The following RPA1 variants were observed in gnomAD, a reference collection of about 807,000 sequenced individuals.
RPA1 encodes replication protein A1, also known as replication protein A 70 kDa DNA-binding subunit.
In RPA1, 49 loss-of-function variants were observed where a neutral mutation model predicts 83.0. The ratio of observed to expected loss-of-function variants is 0.59; its 90% CI spans 0.47 to 0.75. The LOEUF is 0.75. Among genes scored for constraint, RPA1 ranks in the 30% least tolerant of loss-of-function variants. RPA1 has a pLI of 0.00. For synonymous variants in RPA1, 279 were observed against 281.8 expected, an observed-to-expected ratio of 0.99 and a Z score of 0.10; for missense variants, 693 against 776.1, an observed-to-expected ratio of 0.89 and a Z score of 1.27.
intron 5 of RPA1, among the ~76,000 whole-genome samples, chr17:1,862,179 ACCGCCC>A (rs1912999821): frequency 3.6e-5 from 5 of 139,210 alleles, no homozygotes; most frequent in Non-Finnish European, 4.6e-5. Flanking sequence ...GGCGTGAGCC[ACCGCCC>A]CCAACCGTAT....
At chr17:1,868,263 G>C (rs1019009844) in intron 5 of RPA1, among the ~76,000 whole-genome samples, 2 of 152,206 alleles carry the variant, frequency 1.3e-5, no homozygotes. Context: ...AGCCAGTGCG[G>C]AAATAGCTTT....
At position 1,830,931 on chromosome 17, in the gene RPA1, A is replaced by G. The variant is rs190826998; in HGVS notation, c.33+805A>G. Reference sequence around the variant, plus strand: ...CATGTGTGCGCCACCACACTCGGCTACTTTTTGTGTTTTTATTAGAGACTG... The same window carrying G: ...CATGTGTGCGCCACCACACTCGGCTGCTTTTTGTGTTTTTATTAGAGACTG... On this transcript the variant is annotated intron_variant, in intron 1 of 16. Coordinates refer to ENST00000254719, the MANE Select transcript of RPA1 (RefSeq NM_002945.5). 1.2e-3 allele frequency among the ~76,000 whole-genome samples: 178 copies of G among 151,856 alleles called. 1 individual carries two copies. Among genetic ancestry groups the G allele is most frequent in the African/African-American group, 3.9e-3 (162 of 41,412 alleles).
At chr17:1,842,758 T>C (rs751160567) in intron 1 of RPA1, 45 bp from the exon 2 acceptor site, 4 of 1,535,822 alleles carry the variant, frequency 2.6e-6, no homozygotes, top group Admixed American at 1.7e-5. Flanking sequence ...ATTTTCATCA[T>C]GATTTGAGTG....
intron 12 of RPA1, among the ~76,000 whole-genome samples, chr17:1,883,000 T>G (rs994214346): frequency 6.6e-6 from 1 of 152,052 alleles, no homozygotes; most frequent in Non-Finnish European, 1.5e-5. Flanking sequence ...GCAACTGAGA[T>G]TCAAAGAAAG....
At chr17:1,847,740 G>A (rs1912313767) in intron 4 of RPA1, among the ~76,000 whole-genome samples, 1 of 152,110 alleles carries the variant, frequency 6.6e-6, no homozygotes, top group African/African-American at 2.4e-5. Flanking sequence ...GTATCTATTG[G>A]CCAGGCACAG....
chr17:1,876,075 T>C (rs1007531393), intron 7 of RPA1, among the ~76,000 whole-genome samples: 1 of 152,200 alleles, frequency 6.6e-6, no homozygotes, highest in Non-Finnish European at 1.5e-5. Flanking sequence ...TACTTAATGC[T>C]TAATCAGTTG....
At position 1,861,299 on chromosome 17, in the gene RPA1, C is replaced by T. The variant is rs183066921; in HGVS notation, c.361+8110C>T. On this transcript the variant is annotated intron_variant, in intron 5 of 16. Transcript: ENST00000254719. The stretch of plus-strand genomic sequence containing the variant: ...TGCACCTCGGGTTCTGGCAGGCCCC[C>T]TAAGCCCTTGAGGCACTGAGCTGGT... 3.0e-3 allele frequency among the ~76,000 whole-genome samples: 460 copies of T among 152,320 alleles called. 4 individuals carry two copies. In the Middle Eastern group the frequency reaches 0.044, roughly 15 times the overall value.
chr17:1,879,260 T>C lies in RPA1; in HGVS notation c.805T>C (p.Phe269Leu). The change falls in exon 10 of 17, where the codon TTC (phenylalanine) becomes CTC (leucine). Residue 269 changes from phenylalanine to leucine, a missense_variant. Transcript: ENST00000254719. Reference sequence around the variant, plus strand: ...CACCCTGAAGATTGCTAACAAGCAGTTCACAGCTGTTAAAAATGACTACGA... The same window carrying C: ...CACCCTGAAGATTGCTAACAAGCAGCTCACAGCTGTTAAAAATGACTACGA... ...KGTLKIANKQ[F>L]TAVKNDYEMT... The C allele has an allele frequency of 6.2e-7, 1 of 1,614,124 alleles. No individual in the cohort carries two copies. The highest frequency in any genetic ancestry group is 1.1e-5 in the South Asian group (1 of 91,084).
intron 4 of RPA1, among the ~76,000 whole-genome samples, chr17:1,846,690 G>T (rs1912272860): frequency 6.6e-6 from 1 of 152,102 alleles, no homozygotes; most frequent in African/African-American, 2.4e-5. Context: ...TTTCAACGAA[G>T]TTTTTCTGTG....
chr17:1,855,531 A>G lies in RPA1; in HGVS notation c.361+2342A>G, dbSNP rs189533771. 2.6e-5 allele frequency among the ~76,000 whole-genome samples: 4 copies of G among 152,312 alleles called. No homozygotes were observed. The East Asian group carries it at 5.8e-4, about 22-fold the overall frequency. On this transcript the variant is annotated intron_variant, in intron 5 of 16. Transcript: ENST00000254719. ...AATCTGGGATCTCTGGGATAAGTCT[A>G]TGTCATGATGTATTATTCTTTTTAC...
At chr17:1,835,899 G>A (rs776483014) in intron 1 of RPA1, among the ~76,000 whole-genome samples, 17 of 152,030 alleles carry the variant, frequency 1.1e-4, no homozygotes, top group Non-Finnish European at 2.1e-4. Flanking sequence ...AATGCAGGAG[G>A]ATCCCTTGAG....
chr17:1,840,401 C>T (rs893095417), intron 1 of RPA1, among the ~76,000 whole-genome samples: 9 of 152,250 alleles, frequency 5.9e-5, no homozygotes, highest in African/African-American at 2.2e-4. Flanking sequence ...ATTCTCCTGC[C>T]TCAGCCTCCC....
At chr17:1,887,650 G>A (rs1914043234) in intron 13 of RPA1, among the ~76,000 whole-genome samples, 1 of 152,022 alleles carries the variant, frequency 6.6e-6, no homozygotes, top group East Asian at 1.9e-4. Context: ...CACTTCGGGA[G>A]GCCAAGGTGG....
At chr17:1,845,136 A>G (rs1285387161) in intron 4 of RPA1, among the ~76,000 whole-genome samples, 3 of 149,270 alleles carry the variant, frequency 2.0e-5, no homozygotes, top group African/African-American at 5.0e-5. Context: ...TACAGCAGAA[A>G]ATGATAATTA....
intron 5 of RPA1, among the ~76,000 whole-genome samples, chr17:1,859,431 C>G (rs887758971): frequency 1.3e-5 from 2 of 152,170 alleles, no homozygotes; most frequent in Admixed American, 6.5e-5. Flanking sequence ...GTAAGTTTCT[C>G]TGTCTCTCTG....
chr17:1,842,779 A>G lies in RPA1; in HGVS notation c.34-24A>G, dbSNP rs771245730. The G allele has an allele frequency of 2.5e-6, 4 of 1,610,620 alleles. No individual in the cohort carries two copies. In the East Asian group the frequency reaches 6.7e-5, roughly 27 times the overall value. On this transcript the variant is annotated intron_variant, in intron 1 of 16. Coordinates refer to ENST00000254719, the MANE Select transcript of RPA1 (RefSeq NM_002945.5). ...ATCATGATTTGAGTGCGTATCTCAC[A>G]CAAACCTGTTTTTACTCCCTCAGGC...
chr17:1,878,374 G>C (rs903919302), intron 8 of RPA1, among the ~76,000 whole-genome samples: 1 of 152,222 alleles, frequency 6.6e-6, no homozygotes, highest in Non-Finnish European at 1.5e-5. Context: ...AAATGTTTGT[G>C]TGATGGCAGA....
chr17:1,843,834 C>T, intron 2 of RPA1, 86 bp from the exon 3 acceptor site: 1 of 1,047,508 alleles, frequency 9.5e-7, no homozygotes. Context: ...GAACTAATGG[C>T]AAACCCACTC....
Position 1,831,822 on chromosome 17 carries a change from A to G in RPA1, c.33+1696A>G, listed in dbSNP as rs1185339592. ...CACCGTGTTAGCCAGGATGGTCTCGATCTCCTGACCTTGTGATTCGCCCGC... is the reference window on the plus strand; with the variant it reads ...CACCGTGTTAGCCAGGATGGTCTCGGTCTCCTGACCTTGTGATTCGCCCGC... On this transcript the variant is annotated intron_variant, in intron 1 of 16. Coordinates refer to ENST00000254719, the MANE Select transcript of RPA1 (RefSeq NM_002945.5). 2.7e-5 allele frequency among the ~76,000 whole-genome samples: 4 copies of G among 146,102 alleles called. No individual in the cohort carries two copies. The East Asian group carries it at 6.1e-4, about 22-fold the overall frequency.
Sources: gnomAD v4.1 joint callset for allele counts (sites outside exome capture counted in the v4.1 genomes callset) on GRCh38, gnomAD v4.1.1 for gene constraint, MANE v1.5 for transcripts, NCBI Gene and HGNC (gene_info 2026-07-23, HGNC 2026-07-21) for gene names.